The following NEB variants were observed in gnomAD, a reference collection of about 807,000 sequenced individuals.
The protein encoded by NEB is nemaline myopathy type 2.
Under a neutral mutation model 952.2 loss-of-function variants are expected in NEB, and 512 were observed. That is an observed-to-expected ratio of 0.54 (90% CI 0.50 to 0.58). The LOEUF (loss-of-function observed/expected upper bound fraction) is 0.58, where lower values mean the gene tolerates loss of function less well. Ranked by LOEUF, NEB falls within the 20% of genes least tolerant of loss-of-function variation. The pLI is 0.00. For synonymous variants in NEB, 2,900 were observed against 3,149.8 expected (o/e 0.92, Z 2.66); for missense variants, 8,428 against 9,231.1 (o/e 0.91, Z 3.56).
chr2:151,525,261 T>C lies in NEB; in HGVS notation c.22174A>G (p.Lys7392Glu), dbSNP rs745718073. ...TKHVSDTNYK[K>E]KFVKEKGKSN... ...TTTCCTTTCTCCTTGACAAACTTCT[T>C]TTTGTAATTTGTCTAAATAGAGCCA... Residue 7392 changes from lysine to glutamate, a missense_variant, in exon 151 of 182, where the codon AAG (lysine) becomes GAG (glutamate). Transcript: ENST00000397345. 5.0e-6 allele frequency: 8 copies of C among 1,611,376 alleles called. No individual in the cohort carries two copies. Among genetic ancestry groups the C allele is most frequent in the Non-Finnish European group, 6.8e-6 (8 of 1,177,596 alleles).
At position 151,663,579 on chromosome 2, in the gene NEB, A is replaced by C. The variant is rs1393347724; in HGVS notation, c.5732T>G (p.Leu1911Trp). The part of the protein sequence containing the change: ...NMLPDAMSFE[L>W]AKNMMQIQSD... Reference sequence around the variant, plus strand: ...TTGAATCTGCATCATATTTTTGGCCAATTCAAAGCTCATGGCATCAGGAAG... The same window carrying C: ...TTGAATCTGCATCATATTTTTGGCCCATTCAAAGCTCATGGCATCAGGAAG... Residue 1911 changes from leucine to tryptophan, a missense_variant, in exon 45 of 182, where the codon TTG (leucine) becomes TGG (tryptophan). By Grantham distance (61) the Leu-to-Trp change is moderately conservative. Coordinates refer to ENST00000397345, the MANE Select transcript of NEB (RefSeq NM_001164508.2). The C allele has an allele frequency of 1.2e-6, 2 of 1,610,696 alleles. No individual in the cohort carries two copies. The highest frequency in any genetic ancestry group is 1.7e-6 in the Non-Finnish European group (2 of 1,177,280).
Position 151,519,759 on chromosome 2 carries a change from G to T in NEB, c.22489C>A (p.Arg7497=). 1 of 1,604,748 alleles carries T rather than the reference G, an allele frequency of 6.2e-7. No homozygotes were observed. The highest frequency in any genetic ancestry group is 1.1e-5 in the South Asian group (1 of 90,796). The part of the protein sequence containing the change: ...AAKLSSQVKY[R]ENFDKEKGKT... The stretch of plus-strand genomic sequence containing the variant: ...CCCTTTTCTTTATCGAAATTTTCTC[G>T]GTATTTAACCTAACAGCAAATGCAA... Residue 7497 remains arginine, a synonymous_variant, in exon 154 of 182, where the codon CGA becomes AGA. Coordinates refer to ENST00000397345, the MANE Select transcript of NEB (RefSeq NM_001164508.2).
intron 74 of NEB, 129 bp downstream of exon 74, chr2:151,618,146 A>G (rs1366838136): frequency 5.0e-6 from 4 of 805,060 alleles, no homozygotes; most frequent in Non-Finnish European, 8.3e-6. Context: ...CTATGGTATT[A>G]TAGTGGAAAA....
intron 161 of NEB, among the ~76,000 whole-genome samples, chr2:151,510,616 A>G (rs1309750858): frequency 6.6e-6 from 1 of 152,236 alleles, no homozygotes; most frequent in African/African-American, 2.4e-5. Flanking sequence ...ATGTAACTAT[A>G]TAACTTTTAT....
chr2:151,611,277 T>G lies in NEB; in HGVS notation c.11806-411A>C, dbSNP rs115768954. 3.6e-3 allele frequency among the ~76,000 whole-genome samples: 544 copies of G among 152,302 alleles called. 2 individuals carry two copies. Among genetic ancestry groups the G allele is most frequent in the African/African-American group, 0.012 (491 of 41,570 alleles). On this transcript the variant is annotated intron_variant, in intron 78 of 181. Transcript: ENST00000397345. ...TGTGATCTTGAGAAAGGTACATAAC[T>G]CCTCACATTCCTCATTTCTGAGAGG...
chr2:151,698,374 A>G (rs2099612965), intron 13 of NEB, among the ~76,000 whole-genome samples: 1 of 152,170 alleles, frequency 6.6e-6, no homozygotes, highest in Non-Finnish European at 1.5e-5. Context: ...AAGCAAAACA[A>G]AAACACACCA....
chr2:151,503,424 G>GTTTTCT lies in NEB; in HGVS notation c.23754_23759dup (p.Lys7918_Glu7919dup), dbSNP rs778176240. ...CAGTGGTTGGAATGCCTGTTCCCAA[G>GTTTTCT]TTTTCTTTGTACATAACCTGTAGAA... On this transcript the variant is annotated inframe_insertion, in exon 166 of 182. Coordinates refer to ENST00000397345, the MANE Select transcript of NEB (RefSeq NM_001164508.2). 8.7e-6 allele frequency: 14 copies of GTTTTCT among 1,610,188 alleles called. No individual in the cohort carries two copies. The African/African-American group carries it at 1.7e-4, about 20-fold the overall frequency.
At chr2:151,509,252 G>A (rs922787806) in intron 161 of NEB, among the ~76,000 whole-genome samples, 6 of 152,120 alleles carry the variant, frequency 3.9e-5, no homozygotes, top group Non-Finnish European at 7.3e-5. Context: ...CGGAAGAAAC[G>A]GTAGTTCATC....
chr2:151,638,180 T>A (rs1183596343), intron 63 of NEB, among the ~76,000 whole-genome samples: 1 of 152,220 alleles, frequency 6.6e-6, no homozygotes, highest in African/African-American at 2.4e-5. Context: ...CCACATAAGA[T>A]GTCTTAGAGT....
intron 75 of NEB, among the ~76,000 whole-genome samples, chr2:151,616,480 T>C (rs1350555421): frequency 6.6e-6 from 1 of 151,994 alleles, no homozygotes; most frequent in East Asian, 1.9e-4. Context: ...CCTGAGGTCA[T>C]GAGTTTGAGA....
At chr2:151,567,985 G>A (rs997311242) in intron 113 of NEB, 86 bp downstream of exon 113, 2 of 979,430 alleles carry the variant, frequency 2.0e-6, no homozygotes, top group African/African-American at 3.2e-5. Context: ...ACACCTGGAA[G>A]GTGCTATCTC....
At chr2:151,514,789 A>G in intron 158 of NEB, 29 bp downstream of exon 158, 4 of 1,416,456 alleles carry the variant, frequency 2.8e-6, no homozygotes, top group Non-Finnish European at 3.9e-6. Flanking sequence ...TTGGATTAAG[A>G]GGGAAAGAAA....
In NEB at chr2:151,523,070, T is replaced by G. The variant is rs115579881; in HGVS notation, c.22479+1241A>C. Among the ~76,000 whole-genome samples, 321 of 152,334 alleles carry G rather than the reference T, an allele frequency of 2.1e-3. 2 individuals are homozygous for G. Among genetic ancestry groups the G allele is most frequent in the African/African-American group, 7.3e-3 (302 of 41,578 alleles). On this transcript the variant is annotated intron_variant, in intron 153 of 181. Transcript: ENST00000397345. Reference sequence around the variant, plus strand: ...AGTTTTCAAAATTTCAACATCATAGTCGTTTGTTTTTAAATTATAATGATA... The same window carrying G: ...AGTTTTCAAAATTTCAACATCATAGGCGTTTGTTTTTAAATTATAATGATA...
At chr2:151,564,798 T>C (rs1162457216) in intron 117 of NEB, among the ~76,000 whole-genome samples, 3 of 152,214 alleles carry the variant, frequency 2.0e-5, no homozygotes, top group Non-Finnish European at 2.9e-5. Context: ...CTTGTCTCAT[T>C]GAGCTTTAGC....
intron 179 of NEB, 160 bp downstream of exon 179, chr2:151,491,523 A>G: frequency 1.7e-6 from 1 of 595,880 alleles, no homozygotes; most frequent in Non-Finnish European, 2.9e-6. Flanking sequence ...CTAGAAAGTA[A>G]GTTTTGCTCA....
At chr2:151,652,283 T>C (rs2154138718) in intron 52 of NEB, among the ~76,000 whole-genome samples, 1 of 152,220 alleles carries the variant, frequency 6.6e-6, no homozygotes, top group African/African-American at 2.4e-5. Flanking sequence ...TGGAGTGCAG[T>C]GGTGCGATCA....
Position 151,554,007 on chromosome 2 carries a change from A to G in NEB, c.19447T>C (p.Tyr6483His), listed in dbSNP as rs568626228. 2.5e-6 allele frequency: 4 copies of G among 1,613,812 alleles called. No individual in the cohort carries two copies. The East Asian group carries it at 6.7e-5, about 27-fold the overall frequency. ...TGGATTTTCATCTTGTTCTTTTCAT[A>G]AACTGATCTGTACAGGCGCTGTAAA... is the stretch of plus-strand genomic sequence containing the variant. The part of the protein sequence containing the change: ...LNIDRLYRSV[Y>H]EKNKMKIHIV... Residue 6483 changes from tyrosine to histidine, a missense_variant, in exon 126 of 182, where the codon TAT (tyrosine) becomes CAT (histidine). Tyr to His is a moderately conservative substitution (Grantham distance 83). This residue lies in a region of NEB where 3,374 missense variants were observed against 3,651.5 expected (regional missense o/e 0.92). Coordinates refer to ENST00000397345, the MANE Select transcript of NEB (RefSeq NM_001164508.2).
chr2:151,532,097 C>CT (rs1359367398), intron 143 of NEB: 1 of 471,214 alleles, frequency 2.1e-6, no homozygotes, highest in African/African-American at 2.0e-5. Context: ...TAATAATTTC[C>CT]TTTTTTTGTT....
intron 54 of NEB, among the ~76,000 whole-genome samples, chr2:151,648,837 A>G (rs951683259): frequency 2.0e-4 from 30 of 152,336 alleles, no homozygotes; most frequent in African/African-American, 7.0e-4. Flanking sequence ...ATGCAGAGAA[A>G]ATGCTATTAT....
Sources: gnomAD v4.1 joint callset for allele counts (sites outside exome capture counted in the v4.1 genomes callset) on GRCh38, gnomAD v4.1.1 for gene constraint, gnomAD v4.1.1 regional missense constraint, MANE v1.5 for transcripts, NCBI Gene and HGNC (gene_info 2026-07-23, HGNC 2026-07-21) for gene names.